The following AQP11 variants were observed in gnomAD, a reference collection of about 807,000 sequenced individuals.
AQP11 encodes aquaporin 11.
AQP11 carries 20 observed loss-of-function variants against 21.1 expected under a neutral mutation model. That is an observed-to-expected ratio of 0.95 (90% CI 0.67 to 1.38). AQP11 has a LOEUF of 1.38. AQP11 is among the 40% of genes most tolerant of loss of function. The pLI, the probability that AQP11 is intolerant of heterozygous loss-of-function variation, is 0.00. For missense variants in AQP11, 339 were observed against 340.4 expected (o/e 1.00, Z 0.03); for synonymous variants, 167 against 150.1 (o/e 1.11, Z -0.82).
rs1265767337 is a variant in AQP11, at chr11:77,590,586, A to G, written c.594A>G (p.Ala198=). 1 of 1,614,016 alleles carries G rather than the reference A, an allele frequency of 6.2e-7. No homozygotes were observed. Among genetic ancestry groups the G allele is most frequent in the Admixed American group, 1.7e-5 (1 of 60,008 alleles). The change falls in exon 1 of 3, where the codon GCA becomes GCG. Residue 198 remains alanine (A), a synonymous_variant. Transcript: ENST00000313578. ...RTKLRIHLLA[A]LITFLVYAGG... The stretch of plus-strand genomic sequence containing the variant: ...AGCTTCGTATCCACCTGCTGGCTGC[A>G]CTCATCACCTTTTTGGTCTATGCAG...
At position 77,592,131 on chromosome 11, in the gene AQP11, C is replaced by T. The variant is rs577100489; in HGVS notation, c.619+1520C>T. Among the ~76,000 whole-genome samples the T allele has an allele frequency of 7.8e-4, 119 of 152,084 alleles. 1 individual carries two copies. Among genetic ancestry groups the T allele is most frequent in the African/African-American group, 2.8e-3 (116 of 41,512 alleles). On this transcript the variant is annotated intron_variant, in intron 1 of 2. Transcript: ENST00000313578. Reference sequence around the variant, plus strand: ...AAAATACAAAAATTAGCCGGGCGTGCTGGTGCGCACTTGTAGTCCCAACTA... The same window carrying T: ...AAAATACAAAAATTAGCCGGGCGTGTTGGTGCGCACTTGTAGTCCCAACTA...
chr11:77,597,786 C>G (rs974909930), intron 1 of AQP11, among the ~76,000 whole-genome samples: 1 of 151,988 alleles, frequency 6.6e-6, no homozygotes, highest in African/African-American at 2.4e-5. Flanking sequence ...TGGCGTCTCG[C>G]TCTGTCACCC....
intron 1 of AQP11, among the ~76,000 whole-genome samples, chr11:77,598,643 C>T (rs568849824): frequency 9.5e-4 from 145 of 152,322 alleles, no homozygotes; most frequent in African/African-American, 3.3e-3. Flanking sequence ...TCCCTGTCTA[C>T]TCTTCCTTCC....
chr11:77,605,575 T>C (rs909380811), intron 2 of AQP11, among the ~76,000 whole-genome samples: 3 of 152,080 alleles, frequency 2.0e-5, no homozygotes, highest in African/African-American at 7.2e-5. Context: ...ATGTGAGCAA[T>C]CTAGGTTACA....
At chr11:77,606,213 A>T (rs1186460779) in intron 2 of AQP11, among the ~76,000 whole-genome samples, 3 of 152,164 alleles carry the variant, frequency 2.0e-5, no homozygotes, top group Admixed American at 6.5e-5. Flanking sequence ...GAAGAATTTT[A>T]AAAAGGAATC....
intron 1 of AQP11, chr11:77,591,165 CATTTT>C: frequency 1.0e-6 from 1 of 953,402 alleles, no homozygotes; most frequent in Non-Finnish European, 1.2e-6. Context: ...CTTAATAATT[CATTTT>C]GAGTTATACA....
intron 2 of AQP11, among the ~76,000 whole-genome samples, chr11:77,603,940 C>CT (rs59061258): frequency 0.24 from 35,472 of 149,252 alleles, 4,229 homozygotes; most frequent in Non-Finnish European, 0.27. Context: ...CAAAAATAAT[C>CT]TTTTTTTTTT....
chr11:77,598,194 A>C (rs866992804), intron 1 of AQP11, among the ~76,000 whole-genome samples: 2 of 152,328 alleles, frequency 1.3e-5, no homozygotes, highest in South Asian at 2.1e-4. Context: ...TTCCACTCTA[A>C]ATGAATAAAT....
intron 2 of AQP11, among the ~76,000 whole-genome samples, chr11:77,607,595 T>A (rs1359308891): frequency 6.6e-6 from 1 of 152,090 alleles, no homozygotes; most frequent in African/African-American, 2.4e-5. Flanking sequence ...TTTAGAAATG[T>A]GACTATAAGG....
At chr11:77,601,470 C>T (rs1279973413) in intron 1 of AQP11, among the ~76,000 whole-genome samples, 2 of 151,824 alleles carry the variant, frequency 1.3e-5, no homozygotes, top group Non-Finnish European at 2.9e-5. Flanking sequence ...CTGCCTTAGC[C>T]TCCCAAGTAG....
intron 1 of AQP11, among the ~76,000 whole-genome samples, chr11:77,594,262 ATGT>A (rs1958765726): frequency 6.6e-6 from 1 of 152,196 alleles, no homozygotes; most frequent in Non-Finnish European, 1.5e-5. Context: ...TTACAAAATG[ATGT>A]TGTTGCCAAA....
At chr11:77,594,809 C>T (rs1408342340) in intron 1 of AQP11, among the ~76,000 whole-genome samples, 1 of 151,970 alleles carries the variant, frequency 6.6e-6, no homozygotes, top group Non-Finnish European at 1.5e-5. Context: ...ATTGATTTAG[C>T]ACCCCAAATT....
At chr11:77,606,873 G>A (rs1958849771) in intron 2 of AQP11, among the ~76,000 whole-genome samples, 1 of 152,146 alleles carries the variant, frequency 6.6e-6, no homozygotes, top group African/African-American at 2.4e-5. Context: ...GAGATTATAG[G>A]TGTGAGCCAC....
intron 2 of AQP11, among the ~76,000 whole-genome samples, chr11:77,605,379 G>A (rs915580542): frequency 6.6e-6 from 1 of 152,052 alleles, no homozygotes; most frequent in Non-Finnish European, 1.5e-5. Context: ...AACTACTATT[G>A]TAACAGTAGG....
intron 1 of AQP11, 21 bp from the exon 2 acceptor site, chr11:77,603,535 T>C (rs1368503450): frequency 6.7e-7 from 1 of 1,491,096 alleles, no homozygotes; most frequent in Non-Finnish European, 9.1e-7. Context: ...TTGAAATCAC[T>C]CTGCTTAAAA....
At chr11:77,600,943 T>C (rs1467146815) in intron 1 of AQP11, among the ~76,000 whole-genome samples, 1 of 145,910 alleles carries the variant, frequency 6.9e-6, no homozygotes, top group Non-Finnish European at 1.5e-5. Context: ...ACCCGGGAGG[T>C]GGAGCTTGCA....
intron 1 of AQP11, among the ~76,000 whole-genome samples, chr11:77,593,362 G>A (rs767397683): frequency 1.3e-5 from 2 of 152,118 alleles, no homozygotes; most frequent in Non-Finnish European, 2.9e-5. Context: ...TCGGCCGGGC[G>A]CGGTGGCTCA....
At chr11:77,600,342 A>AT (rs1958808574) in intron 1 of AQP11, among the ~76,000 whole-genome samples, 1 of 152,106 alleles carries the variant, frequency 6.6e-6, no homozygotes, top group Non-Finnish European at 1.5e-5. Flanking sequence ...ATCATACCTT[A>AT]CTCAGCAGGC....
At position 77,604,957 on chromosome 11, in the gene AQP11, G is replaced by A. The variant is rs2135750908; in HGVS notation, c.736+1285G>A. Among the ~76,000 whole-genome samples the A allele has an allele frequency of 2.0e-5, 3 of 152,312 alleles. No homozygotes were observed. In the South Asian group the frequency reaches 6.2e-4, roughly 32 times the overall value. On this transcript the variant is annotated intron_variant, in intron 2 of 2. Coordinates refer to ENST00000313578, the MANE Select transcript of AQP11 (RefSeq NM_173039.3). Reference sequence around the variant, plus strand: ...GCCTGTAATCCCAGTACTTTGGGAGGCCGAGGCAGGCAGATCATGAGGTCA... The same window carrying A: ...GCCTGTAATCCCAGTACTTTGGGAGACCGAGGCAGGCAGATCATGAGGTCA...
Sources: gnomAD v4.1 joint callset for allele counts (sites outside exome capture counted in the v4.1 genomes callset) on GRCh38, gnomAD v4.1.1 for gene constraint, MANE v1.5 for transcripts, NCBI Gene and HGNC (gene_info 2026-07-23, HGNC 2026-07-21) for gene names.